The following OPRD1 variants were observed in gnomAD, a reference collection of about 807,000 sequenced individuals.
OPRD1 encodes the protein opioid receptor delta 1, also known as delta-type opioid receptor.
OPRD1 carries 19 observed loss-of-function variants against 17.5 expected under a neutral mutation model. The observed-to-expected ratio is 1.09, with a 90% CI of 0.76 to 1.60. The LOEUF (loss-of-function observed/expected upper bound fraction) is 1.60. OPRD1 is among the 40% of genes most tolerant of loss of function. The probability of loss-of-function intolerance (pLI) is 0.00; values close to 1 mark genes in which losing one functional copy is unlikely to be tolerated. For missense variants in OPRD1, 483 were observed against 547.2 expected (o/e 0.88, Z 1.17); for synonymous variants, 256 against 240.9 (o/e 1.06, Z -0.58).
At chr1:28,852,425 T>A (rs550020344) in intron 1 of OPRD1, among the ~76,000 whole-genome samples, 4 of 152,172 alleles carry the variant, frequency 2.6e-5, no homozygotes, top group Non-Finnish European at 5.9e-5. Flanking sequence ...GTAATTATAG[T>A]ATGTTCTTTG....
intron 1 of OPRD1, among the ~76,000 whole-genome samples, chr1:28,815,812 A>G (rs536162562): frequency 6.6e-6 from 1 of 152,276 alleles, no homozygotes; most frequent in East Asian, 1.9e-4. Flanking sequence ...CTTAGGCAGC[A>G]TGTGGGGGGT....
chr1:28,837,413 G>GC (rs1370875204), intron 1 of OPRD1, among the ~76,000 whole-genome samples: 1 of 152,140 alleles, frequency 6.6e-6, no homozygotes, highest in Non-Finnish European at 1.5e-5. Context: ...ACTTTGGGAG[G>GC]CCAAGGCAGG....
At position 28,834,482 on chromosome 1, in the gene OPRD1, A is replaced by C. The variant is rs569894488; in HGVS notation, c.227+21872A>C. Among the ~76,000 whole-genome samples, 6 of 149,338 alleles carry C rather than the reference A, an allele frequency of 4.0e-5. No homozygotes were observed. The East Asian group carries it at 1.2e-3, about 30-fold the overall frequency. ...TGCAACCTCCACCTCCTGGGCTCAAATGATCCTTCCACCTCAGCCTCCTGA... is the reference window on the plus strand; with the variant it reads ...TGCAACCTCCACCTCCTGGGCTCAACTGATCCTTCCACCTCAGCCTCCTGA... On this transcript the variant is annotated intron_variant, in intron 1 of 2. Coordinates refer to ENST00000234961, the MANE Select transcript of OPRD1 (RefSeq NM_000911.4).
chr1:28,858,530 C>T (rs951694266), intron 1 of OPRD1, among the ~76,000 whole-genome samples: 4 of 151,358 alleles, frequency 2.6e-5, no homozygotes, highest in South Asian at 4.2e-4. Flanking sequence ...TCTAGTCCCA[C>T]CTTTGCCCCA....
At chr1:28,838,014 C>A (rs1284196946) in intron 1 of OPRD1, among the ~76,000 whole-genome samples, 1 of 151,644 alleles carries the variant, frequency 6.6e-6, no homozygotes, top group Non-Finnish European at 1.5e-5. Flanking sequence ...CCTCTGTACA[C>A]TGAGGATGGC....
At chr1:28,852,176 A>G (rs1167379094) in intron 1 of OPRD1, among the ~76,000 whole-genome samples, 2 of 151,046 alleles carry the variant, frequency 1.3e-5, no homozygotes, top group Non-Finnish European at 3.0e-5. Flanking sequence ...AAAAAAAAAA[A>G]AAAAAAAAAA....
At chr1:28,854,866 G>A (rs1302934766) in intron 1 of OPRD1, among the ~76,000 whole-genome samples, 1 of 151,978 alleles carries the variant, frequency 6.6e-6, no homozygotes, top group Non-Finnish European at 1.5e-5. Flanking sequence ...TAGTCAGGCT[G>A]GTCTCGAACT....
intron 1 of OPRD1, among the ~76,000 whole-genome samples, chr1:28,819,473 G>A (rs2088694547): frequency 6.6e-6 from 1 of 152,118 alleles, no homozygotes; most frequent in African/African-American, 2.4e-5. Context: ...GACGCACTGC[G>A]GTGGGTCCAT....
Position 28,867,877 on chromosome 1 carries a change from C to T in OPRD1, c.*4594C>T, listed in dbSNP as rs2089188611. 6.6e-6 allele frequency: 1 copy of T among 152,268 alleles called. No individual in the cohort carries two copies. Among genetic ancestry groups the T allele is most frequent in the African/African-American group, 2.4e-5 (1 of 41,434 alleles). 9.4% of individuals were successfully genotyped at this position (152,268 alleles called of 1,614,324 possible). Reference sequence around the variant, plus strand: ...AGGGTTCAGGGTCAGAGCTAGAGACCTACAGGGAAGAGTAGGTGAGCTGTC... The same window carrying T: ...AGGGTTCAGGGTCAGAGCTAGAGACTTACAGGGAAGAGTAGGTGAGCTGTC... On this transcript the variant is annotated 3_prime_UTR_variant, in exon 3 of 3. Coordinates refer to ENST00000234961, the MANE Select transcript of OPRD1 (RefSeq NM_000911.4).
intron 1 of OPRD1, among the ~76,000 whole-genome samples, chr1:28,822,833 C>G (rs557370645): frequency 1.3e-5 from 2 of 152,202 alleles, no homozygotes; most frequent in East Asian, 1.9e-4. Flanking sequence ...TCTCCTTCCC[C>G]CTTGCCTGGC....
Position 28,812,299 on chromosome 1 carries a change from C to CGCGGCAGCCGGCGGCGTCGGGG in OPRD1, c.-85_-84insGCGGCAGCCGGCGGCGTCGGGG. The stretch of plus-strand genomic sequence containing the variant: ...GCAGCCGGCGGCGTCGGGGCCGCGG[C>CGCGGCAGCCGGCGGCGTCGGGG]CTCTGCCTTGCCGCTCCCCTCGCGT... On this transcript the variant is annotated 5_prime_UTR_variant, in exon 1 of 3. Coordinates refer to ENST00000234961, the MANE Select transcript of OPRD1 (RefSeq NM_000911.4). 1.0e-6 allele frequency: 1 copy of CGCGGCAGCCGGCGGCGTCGGGG among 962,116 alleles called. No individual in the cohort carries two copies. Among genetic ancestry groups the CGCGGCAGCCGGCGGCGTCGGGG allele is most frequent in the Non-Finnish European group, 1.3e-6 (1 of 750,752 alleles). 59.6% of individuals were successfully genotyped at this position (962,116 alleles called of 1,614,324 possible).
intron 1 of OPRD1, among the ~76,000 whole-genome samples, chr1:28,844,120 C>T (rs916289938): frequency 8.0e-5 from 12 of 150,202 alleles, no homozygotes; most frequent in African/African-American, 2.7e-4. Flanking sequence ...AAACGGTACA[C>T]GAGAGTTCCA....
intron 1 of OPRD1, among the ~76,000 whole-genome samples, chr1:28,829,824 C>T (rs937073777): frequency 2.6e-5 from 4 of 152,184 alleles, no homozygotes; most frequent in Non-Finnish European, 5.9e-5. Flanking sequence ...ATCCTCTTTC[C>T]TCAGCCTCCG....
intron 1 of OPRD1, among the ~76,000 whole-genome samples, chr1:28,841,816 C>A (rs533243775): frequency 1.3e-5 from 2 of 151,494 alleles, no homozygotes; most frequent in African/African-American, 2.4e-5. Flanking sequence ...CGGGTTCAAG[C>A]GATTCTCTTG....
At chr1:28,823,368 T>C (rs77262227) in intron 1 of OPRD1, among the ~76,000 whole-genome samples, 7,277 of 149,552 alleles carry the variant, frequency 0.049, 580 homozygotes, top group African/African-American at 0.17. Flanking sequence ...GGCTATTCTT[T>C]TTTAAATTTT....
At chr1:28,818,711 G>A (rs770218992) in intron 1 of OPRD1, among the ~76,000 whole-genome samples, 13 of 152,196 alleles carry the variant, frequency 8.5e-5, no homozygotes, top group Non-Finnish European at 1.6e-4. Flanking sequence ...GGGCTCGGGA[G>A]CCACCCATGA....
Position 28,869,032 on chromosome 1 carries a change from C to G in OPRD1, c.*5749C>G, listed in dbSNP as rs1331333267. On this transcript the variant is annotated 3_prime_UTR_variant, in exon 3 of 3. Coordinates refer to ENST00000234961, the MANE Select transcript of OPRD1 (RefSeq NM_000911.4). ...TACTGGCTGCCAGCTCCCACTAACA[C>G]CTGCTGCAGATCCAGACTGAAGCCG... The G allele has an allele frequency of 1.3e-5, 2 of 152,302 alleles. No homozygotes were observed. The highest frequency in any genetic ancestry group is 2.9e-5 in the Non-Finnish European group (2 of 68,182). 9.4% of individuals were successfully genotyped at this position (152,302 alleles called of 1,614,324 possible). A position where few individuals can be genotyped will look rare whatever the true frequency, so the allele number is the denominator to read the frequency against.
intron 1 of OPRD1, among the ~76,000 whole-genome samples, chr1:28,834,643 G>A (rs908666976): frequency 2.0e-5 from 3 of 152,040 alleles, no homozygotes; most frequent in Non-Finnish European, 4.4e-5. Context: ...GACTCCCAAG[G>A]TGCTGGGATT....
At chr1:28,842,391 A>G (rs1318163342) in intron 1 of OPRD1, among the ~76,000 whole-genome samples, 4 of 152,340 alleles carry the variant, frequency 2.6e-5, no homozygotes, top group East Asian at 3.9e-4. Flanking sequence ...CCTGGGGAGA[A>G]CATTCTTACC....
Sources: gnomAD v4.1 joint callset for allele counts (sites outside exome capture counted in the v4.1 genomes callset) on GRCh38, gnomAD v4.1.1 for gene constraint, MANE v1.5 for transcripts, NCBI Gene and HGNC (gene_info 2026-07-23, HGNC 2026-07-21) for gene names.